The following DUSP22 variants were observed in gnomAD, a reference collection of about 807,000 sequenced individuals.
DUSP22 encodes dual specificity phosphatase 22.
A neutral mutation model predicts 24.5 loss-of-function variants in DUSP22; 24 were observed. That is an observed-to-expected ratio of 0.98 (90% confidence interval 0.71 to 1.38). The LOEUF (loss-of-function observed/expected upper bound fraction) is 1.38, where lower values mean the gene tolerates loss of function less well. Ranked by LOEUF, DUSP22 falls within the 40% of genes most tolerant of loss-of-function variation. DUSP22 has a pLI of 0.00. For synonymous variants in DUSP22, 160 were observed against 106.4 expected, an observed-to-expected ratio of 1.50 and a Z score of -3.10; for missense variants, 330 against 269.2, an observed-to-expected ratio of 1.23 and a Z score of -1.58.
Position 350,810 on chromosome 6 carries a change from C to T in DUSP22, c.*1859C>T. 1 of 1,614,270 alleles carries T rather than the reference C, an allele frequency of 6.2e-7. No homozygotes were observed. The highest frequency in any genetic ancestry group is 8.5e-7 in the Non-Finnish European group (1 of 1,180,032). On this transcript the variant is annotated 3_prime_UTR_variant, in exon 7 of 7. Coordinates refer to ENST00000419235, the MANE Select transcript of DUSP22 (RefSeq NM_001286555.3). ...TTTAATATTTGTTGCCAGTAATGTT[C>T]TTTCTTCACAGCCGCTCCGGGAATT...
intron 3 of DUSP22, among the ~76,000 whole-genome samples, chr6:332,644 CT>C (rs3053546): frequency 5.4e-5 from 8 of 148,124 alleles, no homozygotes; most frequent in Admixed American, 2.7e-4. Flanking sequence ...TCCTGTCCTT[CT>C]TTTTTTTTTT....
chr6:348,117 C>T lies in DUSP22; in HGVS notation c.278C>T (p.Ser93Phe), dbSNP rs141377676. The change falls in exon 6 of 7, where the codon TCC becomes TTC. Residue 93 changes from serine to phenylalanine, a missense_variant. Physicochemically the swap from Ser to Phe is radical, Grantham distance 155. Coordinates refer to ENST00000419235, the MANE Select transcript of DUSP22 (RefSeq NM_001286555.3). ...SCLVHCLAGV[S>F]RSVTLVIAYI... The stretch of plus-strand genomic sequence containing the variant: ...TGGCCCCGCAGCCTGGCCGGGGTCT[C>T]CAGGAGCGTGACACTGGTGATCGCA... 5 of 1,614,262 alleles carry T rather than the reference C, an allele frequency of 3.1e-6. No homozygotes were observed. The highest frequency in any genetic ancestry group is 4.2e-6 in the Non-Finnish European group (5 of 1,180,046).
At chr6:340,252 A>G (rs1351158437) in intron 4 of DUSP22, among the ~76,000 whole-genome samples, 1 of 152,308 alleles carries the variant, frequency 6.6e-6, no homozygotes, top group African/African-American at 2.4e-5. Flanking sequence ...ACTGATACAA[A>G]CGTGGGCTGG....
At chr6:306,818 G>A (rs1472846066) in intron 2 of DUSP22, among the ~76,000 whole-genome samples, 1 of 152,308 alleles carries the variant, frequency 6.6e-6, no homozygotes, top group African/African-American at 2.4e-5. Context: ...AACAGCAGGT[G>A]CAGAACAGGA....
intron 3 of DUSP22, among the ~76,000 whole-genome samples, chr6:330,327 G>A (rs916367149): frequency 6.6e-6 from 1 of 152,308 alleles, no homozygotes; most frequent in Non-Finnish European, 1.5e-5. Flanking sequence ...GTTCTGTCCT[G>A]TAACTGGTTT....
At chr6:307,622 T>A (rs1427441829) in intron 2 of DUSP22, among the ~76,000 whole-genome samples, 2 of 152,294 alleles carry the variant, frequency 1.3e-5, no homozygotes, top group Non-Finnish European at 1.5e-5. Context: ...GAGCAGCCCC[T>A]CCCTGGGCCG....
chr6:303,596 G>A (rs1190858801), intron 1 of DUSP22, among the ~76,000 whole-genome samples: 1 of 152,312 alleles, frequency 6.6e-6, no homozygotes, highest in African/African-American at 2.4e-5. Flanking sequence ...GACAGTGGGG[G>A]CGAGGCTAGG....
chr6:332,013 A>G (rs916617636), intron 3 of DUSP22, among the ~76,000 whole-genome samples: 1 of 152,308 alleles, frequency 6.6e-6, no homozygotes, highest in East Asian at 1.9e-4. Context: ...TTTCGTGGTC[A>G]CTGGCACAAA....
At chr6:318,016 C>T (rs1758412937) in intron 3 of DUSP22, among the ~76,000 whole-genome samples, 1 of 152,304 alleles carries the variant, frequency 6.6e-6, no homozygotes, top group African/African-American at 2.4e-5. Flanking sequence ...TAGTGCAATG[C>T]AGCCTCGCTT....
At chr6:300,722 G>T (rs896832379) in intron 1 of DUSP22, among the ~76,000 whole-genome samples, 3 of 152,302 alleles carry the variant, frequency 2.0e-5, no homozygotes, top group African/African-American at 7.2e-5. Flanking sequence ...CTGTGCCTGT[G>T]ACTTGCCTCA....
intron 1 of DUSP22, among the ~76,000 whole-genome samples, chr6:300,638 G>T (rs1261882811): frequency 6.6e-6 from 1 of 152,310 alleles, no homozygotes; most frequent in Admixed American, 6.5e-5. Flanking sequence ...GTGATCTCTG[G>T]AGGGTTCCTG....
chr6:299,953 C>A (rs1300616101), intron 1 of DUSP22, among the ~76,000 whole-genome samples: 1 of 152,306 alleles, frequency 6.6e-6, no homozygotes, highest in Non-Finnish European at 1.5e-5. Flanking sequence ...TCTGTTTGTT[C>A]ACTCATTCAT....
At chr6:300,047 G>T (rs531253841) in intron 1 of DUSP22, among the ~76,000 whole-genome samples, 251 of 152,338 alleles carry the variant, frequency 1.6e-3, no homozygotes, top group African/African-American at 5.9e-3. Context: ...ACAGGCAGCA[G>T]GTAGAGATCG....
chr6:314,624 T>G (rs1457166440), intron 3 of DUSP22, among the ~76,000 whole-genome samples: 1 of 152,306 alleles, frequency 6.6e-6, no homozygotes, highest in East Asian at 1.9e-4. Flanking sequence ...TAGCACACTT[T>G]ATTCCCCTCT....
intron 5 of DUSP22, among the ~76,000 whole-genome samples, chr6:346,196 C>A (rs1192060392): frequency 1.3e-5 from 2 of 152,308 alleles, no homozygotes; most frequent in Non-Finnish European, 2.9e-5. Flanking sequence ...TACTGGACAA[C>A]AGAAACTTCC....
intron 4 of DUSP22, 137 bp from the exon 5 acceptor site, chr6:345,717 T>G: frequency 9.4e-7 from 1 of 1,069,026 alleles, no homozygotes; most frequent in South Asian, 1.5e-5. Context: ...CTGTAGCCCA[T>G]AAATATGTAG....
At chr6:296,591 T>C (rs1350133485) in intron 1 of DUSP22, among the ~76,000 whole-genome samples, 3 of 152,294 alleles carry the variant, frequency 2.0e-5, no homozygotes, top group Non-Finnish European at 4.4e-5. Context: ...TTCTCTCGAG[T>C]CTGAACCCTC....
intron 3 of DUSP22, among the ~76,000 whole-genome samples, chr6:313,044 C>T (rs1370042131): frequency 2.3e-5 from 3 of 131,106 alleles, no homozygotes; most frequent in Non-Finnish European, 4.8e-5. Flanking sequence ...AACAACAAAA[C>T]ATTTTTTTGG....
In DUSP22 at chr6:316,933, G is replaced by A. The variant is rs1758362922; in HGVS notation, c.138+4971G>A. On this transcript the variant is annotated intron_variant, in intron 3 of 6. Coordinates refer to ENST00000419235, the MANE Select transcript of DUSP22 (RefSeq NM_001286555.3). Reference sequence around the variant, plus strand: ...TGTATATACCAGGTAGATTTTATGAGCTAGAGTTCAGCTTGGATATTTTCT... The same window carrying A: ...TGTATATACCAGGTAGATTTTATGAACTAGAGTTCAGCTTGGATATTTTCT... Among the ~76,000 whole-genome samples the A allele has an allele frequency of 5.2e-5, 8 of 152,424 alleles. No individual in the cohort carries two copies. The South Asian group carries it at 1.7e-3, about 32-fold the overall frequency.
Sources: gnomAD v4.1 joint callset for allele counts (sites outside exome capture counted in the v4.1 genomes callset) on GRCh38, gnomAD v4.1.1 for gene constraint, MANE v1.5 for transcripts, NCBI Gene and HGNC (gene_info 2026-07-23, HGNC 2026-07-21) for gene names.